Variants in FAT3 observed in about 807,000 individuals in gnomAD.
The protein encoded by FAT3 is protocadherin Fat 3.
FAT3 carries 95 observed loss-of-function variants against 310.2 expected under a neutral mutation model. The ratio of observed to expected loss-of-function variants is 0.31; its 90% CI spans 0.26 to 0.36. The LOEUF (loss-of-function observed/expected upper bound fraction) is 0.36, where lower values mean the gene tolerates loss of function less well. Among genes scored for constraint, FAT3 ranks in the 10% least tolerant of loss-of-function variants. FAT3 has a pLI of 1.00. For synonymous variants in FAT3, 2,314 were observed against 2,192.9 expected (o/e 1.06, Z -1.54); for missense variants, 5,408 against 5,715.6 (o/e 0.95, Z 1.74).
intron 4 of FAT3, among the ~76,000 whole-genome samples, chr11:92,746,331 G>C (rs1219697041): frequency 1.3e-5 from 2 of 152,076 alleles, no homozygotes; most frequent in Non-Finnish European, 2.9e-5. Context: ...CAGGCTAGAG[G>C]CTTGTGCAGG....
At chr11:92,478,729 G>A (rs1952115709) in intron 2 of FAT3, among the ~76,000 whole-genome samples, 1 of 151,782 alleles carries the variant, frequency 6.6e-6, no homozygotes, top group Admixed American at 6.6e-5. Flanking sequence ...TGATTCTCCT[G>A]CCTCAGCCTC....
chr11:92,348,825 G>A (rs540441585), intron 1 of FAT3, among the ~76,000 whole-genome samples: 2 of 152,126 alleles, frequency 1.3e-5, no homozygotes, highest in African/African-American at 4.8e-5. Context: ...TCAGTTTCCT[G>A]AAGTAAGATG....
chr11:92,436,208 C>T (rs765573018), intron 2 of FAT3, among the ~76,000 whole-genome samples: 6 of 152,228 alleles, frequency 3.9e-5, no homozygotes, highest in Non-Finnish European at 5.9e-5. Context: ...GTGCAGATCA[C>T]GGCTCACTGC....
chr11:92,616,543 C>T (rs569854930), intron 3 of FAT3, among the ~76,000 whole-genome samples: 1 of 152,074 alleles, frequency 6.6e-6, no homozygotes, highest in Admixed American at 6.5e-5. Flanking sequence ...TTATTTTGCT[C>T]GTTAGTTGAT....
chr11:92,278,929 C>A (rs1161973559), intron 1 of FAT3, among the ~76,000 whole-genome samples: 2 of 152,072 alleles, frequency 1.3e-5, no homozygotes, highest in Admixed American at 1.3e-4. Context: ...GAGTTTACAG[C>A]ATGAGTGGCT....
chr11:92,666,073 G>A (rs1942938788), intron 3 of FAT3, among the ~76,000 whole-genome samples: 1 of 152,222 alleles, frequency 6.6e-6, no homozygotes, highest in South Asian at 2.1e-4. Context: ...TCTCTATTTA[G>A]CACTCTGTTC....
chr11:92,455,824 A>G (rs1232928388), intron 2 of FAT3, among the ~76,000 whole-genome samples: 1 of 152,214 alleles, frequency 6.6e-6, no homozygotes, highest in African/African-American at 2.4e-5. Flanking sequence ...TAAACACACA[A>G]TAAATGTTCA....
At chr11:92,411,042 G>A (rs1950246767) in intron 2 of FAT3, among the ~76,000 whole-genome samples, 2 of 123,584 alleles carry the variant, frequency 1.6e-5, no homozygotes, top group African/African-American at 8.4e-5. Flanking sequence ...AGGGTAAAAT[G>A]TATATAATAT....
At chr11:92,721,567 A>G (rs1037043107) in intron 4 of FAT3, among the ~76,000 whole-genome samples, 2 of 152,224 alleles carry the variant, frequency 1.3e-5, no homozygotes, top group African/African-American at 4.8e-5. Context: ...TTAAAGGCGC[A>G]AACCTCAACT....
intron 3 of FAT3, among the ~76,000 whole-genome samples, chr11:92,671,073 C>G (rs1305946301): frequency 1.3e-5 from 2 of 151,862 alleles, no homozygotes; most frequent in South Asian, 2.1e-4. Flanking sequence ...AAGACAGAGT[C>G]TCGCTCTGTC....
chr11:92,754,174 T>C (rs1376139559), intron 4 of FAT3, among the ~76,000 whole-genome samples: 1 of 151,994 alleles, frequency 6.6e-6, no homozygotes, highest in Non-Finnish European at 1.5e-5. Flanking sequence ...AAGACAATAT[T>C]TTCCTATATA....
chr11:92,342,772 C>A (rs987833140), intron 1 of FAT3, among the ~76,000 whole-genome samples: 2 of 151,812 alleles, frequency 1.3e-5, no homozygotes, highest in African/African-American at 2.4e-5. Context: ...AATATATTTA[C>A]CCTTTGGTTT....
chr11:92,352,858 C>A lies in FAT3; in HGVS notation c.746C>A (p.Thr249Asn). 1 of 1,613,896 alleles carries A rather than the reference C, an allele frequency of 6.2e-7. No individual in the cohort carries two copies. Among genetic ancestry groups the A allele is most frequent in the South Asian group, 1.1e-5 (1 of 91,080 alleles). Reference protein sequence around the residue: ...KLYGNNGVSSTAKLYVHIERI... With the variant: ...KLYGNNGVSSNAKLYVHIERI... The stretch of plus-strand genomic sequence containing the variant: ...TATGGGAACAATGGAGTGAGCAGTA[C>A]TGCAAAGCTTTATGTTCACATTGAG... Residue 249 changes from threonine (T) to asparagine (N), a missense_variant, in exon 2 of 28, where the codon ACT becomes AAT. Transcript: ENST00000525166.
chr11:92,226,158 T>C (rs566092697), intron 1 of FAT3, among the ~76,000 whole-genome samples: 9 of 151,618 alleles, frequency 5.9e-5, no homozygotes, highest in Non-Finnish European at 1.3e-4. Context: ...CTGGACCATC[T>C]TGGCGCGGCG....
At chr11:92,683,994 A>G (rs1431570097) in intron 3 of FAT3, among the ~76,000 whole-genome samples, 2 of 152,204 alleles carry the variant, frequency 1.3e-5, no homozygotes, top group African/African-American at 4.8e-5. Context: ...AGTACTAATT[A>G]TCCACTAATT....
intron 2 of FAT3, among the ~76,000 whole-genome samples, chr11:92,481,276 AAT>A (rs1952218307): frequency 6.6e-6 from 1 of 151,766 alleles, no homozygotes; most frequent in African/African-American, 2.4e-5. Context: ...TAATTTGAAA[AAT>A]ATGTTTCTAA....
intron 3 of FAT3, among the ~76,000 whole-genome samples, chr11:92,617,845 G>A (rs555430612): frequency 6.6e-6 from 1 of 152,156 alleles, no homozygotes. Flanking sequence ...TCCTCTGGAT[G>A]CTTCATCTCA....
At chr11:92,527,270 G>C (rs941761256) in intron 3 of FAT3, among the ~76,000 whole-genome samples, 3 of 152,150 alleles carry the variant, frequency 2.0e-5, no homozygotes, top group African/African-American at 7.2e-5. Context: ...CCAGCTTCAT[G>C]ACCTTGGGGA....
chr11:92,540,585 A>G (rs1221249201), intron 3 of FAT3, among the ~76,000 whole-genome samples: 1 of 152,192 alleles, frequency 6.6e-6, no homozygotes, highest in Non-Finnish European at 1.5e-5. Flanking sequence ...TTCACTATTG[A>G]CCATGACAGA....
Sources: gnomAD v4.1 joint callset for allele counts (sites outside exome capture counted in the v4.1 genomes callset) on GRCh38, gnomAD v4.1.1 for gene constraint, MANE v1.5 for transcripts, NCBI Gene and HGNC (gene_info 2026-07-23, HGNC 2026-07-21) for gene names.